BUD23: variants seen among roughly 807,000 people sequenced by gnomAD.
The protein encoded by BUD23 is BUD23 rRNA methyltransferase and ribosome maturation factor, also known as 18S rRNA (guanine-N(7))-methyltransferase.
Under a neutral mutation model 47.0 loss-of-function variants are expected in BUD23, and 34 were observed. The ratio of observed to expected loss-of-function variants is 0.72; its 90% confidence interval spans 0.55 to 0.96. The LOEUF (loss-of-function observed/expected upper bound fraction) is 0.96. Ranked by LOEUF, BUD23 falls within the 40% of genes least tolerant of loss-of-function variation. BUD23 has a pLI of 0.00. For missense variants in BUD23, 343 were observed against 361.2 expected (o/e 0.95, Z 0.41); for synonymous variants, 124 against 132.0 (o/e 0.94, Z 0.41).
At chr7:73,694,216 C>A in intron 10 of BUD23, 166 bp downstream of exon 10, 1 of 727,160 alleles carries the variant, frequency 1.4e-6, no homozygotes, top group Non-Finnish European at 2.1e-6. Flanking sequence ...CTGTTTGGGG[C>A]TAGGGGTTTG....
At chr7:73,692,252 G>C (rs1798223406) in intron 6 of BUD23, among the ~76,000 whole-genome samples, 3 of 152,148 alleles carry the variant, frequency 2.0e-5, no homozygotes, top group African/African-American at 4.8e-5. Context: ...TGTTTAAATA[G>C]CCAGCTCCTC....
At position 73,686,724 on chromosome 7, in the gene BUD23, G is replaced by A; in HGVS notation, c.175G>A (p.Asp59Asn). The change falls in exon 3 of 12, where the codon GAT (aspartate) becomes AAT (asparagine). Residue 59 changes from aspartate to asparagine, a missense_variant. Transcript: ENST00000265758. ...LPENKPCYLL[D>N]IGCGTGLSGS... ...AGAGAATAAGCCCTGTTACCTGCTG[G>A]ATATTGGGTGAGATTCTGGGGCCTG... 6.2e-7 allele frequency: 1 copy of A among 1,614,210 alleles called. No individual in the cohort carries two copies. Among genetic ancestry groups the A allele is most frequent in the Non-Finnish European group, 8.5e-7 (1 of 1,180,040 alleles).
At chr7:73,697,180 CT>C in intron 10 of BUD23, 1 of 482,476 alleles carries the variant, frequency 2.1e-6, no homozygotes, top group Non-Finnish European at 3.8e-6. Flanking sequence ...TCAGACCCTC[CT>C]TTCCATCCCT....
In BUD23 at chr7:73,698,137, GA is replaced by G. The variant is rs11390617; in HGVS notation, c.*270del. ...ATAATGAAACTTCCTTTCCAGGGAG[GA>G]AAAAAAAAAAAAAAAAAAGCTCTGA... On this transcript the variant is annotated 3_prime_UTR_variant, in exon 12 of 12. Transcript: ENST00000265758. The G allele has an allele frequency of 1.6e-3, 214 of 136,512 alleles. No individual in the cohort carries two copies. The highest frequency in any genetic ancestry group is 0.014 in the East Asian group (67 of 4,658). The allele number at this position is 136,512 out of a possible 1,614,324, so 8.5% of individuals were successfully genotyped here. A position where few individuals can be genotyped will look rare whatever the true frequency, so the allele number is the denominator to read the frequency against.
intron 5 of BUD23, among the ~76,000 whole-genome samples, chr7:73,687,994 C>T (rs1385458811): frequency 6.6e-6 from 1 of 151,104 alleles, no homozygotes; most frequent in African/African-American, 2.4e-5. Flanking sequence ...CTCCCGGGTT[C>T]AAGCCATTCA....
At chr7:73,688,954 T>G (rs1798084389) in intron 5 of BUD23, among the ~76,000 whole-genome samples, 2 of 152,196 alleles carry the variant, frequency 1.3e-5, no homozygotes, top group Admixed American at 1.3e-4. Context: ...ATGAGGTGTT[T>G]TAAGCTGTGA....
Position 73,683,633 on chromosome 7 carries a change from C to G in BUD23, c.8C>G (p.Ser3Cys). Reference protein sequence around the residue: MASRGRRPEHGGP... With the variant: MACRGRRPEHGGP... ...TGCTGCTGAGGCGTGAGAATGGCGT[C>G]CCGCGGCCGGCGTCCGGAGCATGGC... is the stretch of plus-strand genomic sequence containing the variant. Residue 3 changes from serine to cysteine, a missense_variant, in exon 1 of 12, where the codon TCC (serine) becomes TGC (cysteine). Ser to Cys is a moderately radical substitution (Grantham distance 112). Transcript: ENST00000265758. 1 of 1,610,582 alleles carries G rather than the reference C, an allele frequency of 6.2e-7. No homozygotes were observed. The highest frequency in any genetic ancestry group is 8.5e-7 in the Non-Finnish European group (1 of 1,178,838).
Position 73,683,620 on chromosome 7 carries a change from G to A in BUD23, c.-6G>A. The A allele has an allele frequency of 6.2e-7, 1 of 1,608,092 alleles. No individual in the cohort carries two copies. The highest frequency in any genetic ancestry group is 8.5e-7 in the Non-Finnish European group (1 of 1,177,798). On this transcript the variant is annotated 5_prime_UTR_variant, in exon 1 of 12. In the 5' UTR this introduces an upstream ATG that the reference lacks. Transcript: ENST00000265758. ...CCAGTCGCAGGTGTGCTGCTGAGGCGTGAGAATGGCGTCCCGCGGCCGGCG... is the reference window on the plus strand; with the variant it reads ...CCAGTCGCAGGTGTGCTGCTGAGGCATGAGAATGGCGTCCCGCGGCCGGCG...
intron 2 of BUD23, among the ~76,000 whole-genome samples, chr7:73,685,846 A>G: frequency 6.6e-6 from 1 of 151,548 alleles, no homozygotes; most frequent in African/African-American, 2.4e-5. Flanking sequence ...TAATCCCAGC[A>G]CTTTGGGAGG....
At chr7:73,695,794 G>C (rs1385276795) in intron 10 of BUD23, 2 of 152,174 alleles carry the variant, frequency 1.3e-5, no homozygotes, top group Non-Finnish European at 2.9e-5. Flanking sequence ...AGCAAGACTG[G>C]TCTTTTTCTT....
At chr7:73,692,831 G>A in intron 7 of BUD23, 185 bp downstream of exon 7, 1 of 585,500 alleles carries the variant, frequency 1.7e-6, no homozygotes, top group Non-Finnish European at 3.0e-6. Context: ...GCGGAGGTGG[G>A]GTGGGATGCC....
intron 7 of BUD23, 119 bp downstream of exon 7, chr7:73,692,765 T>C: frequency 1.0e-6 from 1 of 984,904 alleles, no homozygotes; most frequent in Non-Finnish European, 1.5e-6. Context: ...ACATGCACCC[T>C]AGTGTGGCCC....
intron 10 of BUD23, 93 bp downstream of exon 10, chr7:73,694,143 A>C: frequency 7.5e-7 from 1 of 1,341,242 alleles, no homozygotes; most frequent in Non-Finnish European, 1.0e-6. Context: ...CAAGCCTCTC[A>C]GGTCACATGC....
rs994546253 is a variant in BUD23 at position 73,697,827 on chromosome 7, C to T, written c.792-5C>T. 5 of 1,613,770 alleles carry T rather than the reference C, an allele frequency of 3.1e-6. No homozygotes were observed. The African/African-American group carries it at 4.0e-5, about 13-fold the overall frequency. ...CTGAGACTGTCCTATTCCTTTTCTG[C>T]ACAGGGAAGTCAGACCTGACACCCA... On this transcript the variant is annotated splice_region_variant and splice_polypyrimidine_tract_variant and intron_variant, in intron 11 of 11. Transcript: ENST00000265758.
chr7:73,696,323 C>T (rs1243549450), intron 10 of BUD23: 7 of 152,198 alleles, frequency 4.6e-5, no homozygotes, highest in African/African-American at 9.7e-5. Flanking sequence ...TTCTCTGAGG[C>T]GCCCATCTCG....
At chr7:73,684,240 C>T (rs1797849014) in intron 2 of BUD23, among the ~76,000 whole-genome samples, 1 of 152,082 alleles carries the variant, frequency 6.6e-6, no homozygotes, top group Non-Finnish European at 1.5e-5. Context: ...TGTATAACTA[C>T]TGAGTTGTAG....
chr7:73,683,970 C>T (rs1186958360), intron 2 of BUD23, 166 bp downstream of exon 2: 14 of 1,499,274 alleles, frequency 9.3e-6, no homozygotes, highest in Admixed American at 2.3e-5. Context: ...AAGTTGCCGA[C>T]CTCTCTGGGC....
intron 6 of BUD23, among the ~76,000 whole-genome samples, chr7:73,691,215 A>C (rs1373773555): frequency 6.6e-6 from 1 of 152,190 alleles, no homozygotes; most frequent in East Asian, 1.9e-4. Context: ...ATATACTCTA[A>C]TCAAACCCAG....
chr7:73,693,815 G>C (rs990427130), intron 9 of BUD23, 146 bp downstream of exon 9: 2 of 1,348,356 alleles, frequency 1.5e-6, no homozygotes, highest in Admixed American at 3.5e-5. Flanking sequence ...ACATCCTCTG[G>C]AATCTGGAGG....
Sources: gnomAD v4.1 joint callset for allele counts (sites outside exome capture counted in the v4.1 genomes callset) on GRCh38, gnomAD v4.1.1 for gene constraint, MANE v1.5 for transcripts, NCBI Gene and HGNC (gene_info 2026-07-23, HGNC 2026-07-21) for gene names.